The following NFYC variants were observed in gnomAD, a reference collection of about 807,000 sequenced individuals.
The protein encoded by NFYC is nuclear transcription factor Y subunit gamma.
In NFYC, 25 loss-of-function variants were observed where a neutral mutation model predicts 53.1. That is an observed-to-expected ratio of 0.47 (90% CI 0.34 to 0.66). The LOEUF (loss-of-function observed/expected upper bound fraction) is 0.66, where lower values mean the gene tolerates loss of function less well. Among genes scored for constraint, NFYC ranks in the 30% least tolerant of loss-of-function variants. The pLI, the probability that NFYC is intolerant of heterozygous loss-of-function variation, is 0.01. For synonymous variants in NFYC, 145 were observed against 152.6 expected (o/e 0.95, Z 0.37); for missense variants, 260 against 422.7 (o/e 0.62, Z 3.38).
In NFYC at chr1:40,716,251, C is replaced by T. The variant is rs560021565; in HGVS notation, c.-8-22585C>T. 5.9e-5 allele frequency among the ~76,000 whole-genome samples: 9 copies of T among 152,230 alleles called. No individual in the cohort carries two copies. The South Asian group carries it at 1.9e-3, about 32-fold the overall frequency. ...ATATGGAAAGAACAAGCAAAATACACAGAATTCAGAGGAGGGGAGACGTTC... is the reference window on the plus strand; with the variant it reads ...ATATGGAAAGAACAAGCAAAATACATAGAATTCAGAGGAGGGGAGACGTTC... On this transcript the variant is annotated intron_variant, in intron 1 of 9. Transcript: ENST00000447388.
intron 1 of NFYC, among the ~76,000 whole-genome samples, chr1:40,700,754 G>A (rs1643394461): frequency 6.6e-6 from 1 of 152,132 alleles, no homozygotes; most frequent in Non-Finnish European, 1.5e-5. Context: ...ATAAATGGAC[G>A]TTAAGGAGAT....
At chr1:40,716,909 C>G (rs969199032) in intron 1 of NFYC, among the ~76,000 whole-genome samples, 1 of 151,438 alleles carries the variant, frequency 6.6e-6, no homozygotes, top group Non-Finnish European at 1.5e-5. Flanking sequence ...ACTGAGATTT[C>G]TATCCAGTCT....
In NFYC at chr1:40,742,072, T is replaced by TA. The variant is rs551686138; in HGVS notation, c.105+3136dup. Reference sequence around the variant, plus strand: ...TTGTGCACCACCACACCTGGCTAATTAAAAAAAAAAAATCTTATGTAGAGA... The same window carrying TA: ...TTGTGCACCACCACACCTGGCTAATTAAAAAAAAAAAAATCTTATGTAGAGA... On this transcript the variant is annotated intron_variant, in intron 2 of 9. Coordinates refer to ENST00000447388, the MANE Select transcript of NFYC (RefSeq NM_014223.5). Among the ~76,000 whole-genome samples the TA allele has an allele frequency of 5.7e-4, 83 of 146,176 alleles. 1 individual carries two copies. The highest frequency in any genetic ancestry group is 8.7e-4 in the South Asian group (4 of 4,586).
chr1:40,691,854 A>T lies in NFYC; in HGVS notation c.-22A>T. 2.4e-6 allele frequency: 1 copy of T among 424,628 alleles called. No individual in the cohort carries two copies. Among genetic ancestry groups the T allele is most frequent in the Non-Finnish European group, 4.8e-6 (1 of 209,910 alleles). 26.3% of individuals were successfully genotyped at this position (424,628 alleles called of 1,614,324 possible). ...CGGGGGCGGCTCCTGCTCTTCCTGG[A>T]CTCCTGAGCAGAGGTGTGTGAGTGT... is the stretch of plus-strand genomic sequence containing the variant. On this transcript the variant is annotated 5_prime_UTR_variant, in exon 1 of 10. Coordinates refer to ENST00000447388, the MANE Select transcript of NFYC (RefSeq NM_014223.5).
intron 5 of NFYC, among the ~76,000 whole-genome samples, chr1:40,754,705 T>G (rs563712518): frequency 6.6e-6 from 1 of 152,338 alleles, no homozygotes; most frequent in South Asian, 2.1e-4. Flanking sequence ...ACTCTCATTG[T>G]GCTAACTCCT....
chr1:40,719,005 G>T (rs935560515), intron 1 of NFYC, among the ~76,000 whole-genome samples: 10 of 152,170 alleles, frequency 6.6e-5, no homozygotes, highest in African/African-American at 2.4e-4. Flanking sequence ...CCGAGTAGCT[G>T]GGACTACAGA....
At position 40,730,779 on chromosome 1, in the gene NFYC, A is replaced by G. The variant is rs145717210; in HGVS notation, c.-8-8057A>G. ...GTTTCTTAGTCAGTACTGAGCTAAGATATATTTGTTTGCATTTGACAGTGA... is the reference window on the plus strand; with the variant it reads ...GTTTCTTAGTCAGTACTGAGCTAAGGTATATTTGTTTGCATTTGACAGTGA... On this transcript the variant is annotated intron_variant, in intron 1 of 9. Coordinates refer to ENST00000447388, the MANE Select transcript of NFYC (RefSeq NM_014223.5). 6.6e-5 allele frequency among the ~76,000 whole-genome samples: 10 copies of G among 152,336 alleles called. No individual in the cohort carries two copies. In the East Asian group the frequency reaches 1.7e-3, roughly 26 times the overall value.
chr1:40,747,674 C>T, intron 3 of NFYC, 69 bp downstream of exon 3: 3 of 995,956 alleles, frequency 3.0e-6, no homozygotes, highest in Non-Finnish European at 4.6e-6. Flanking sequence ...GCTCATTTCT[C>T]TAGAGCTCAA....
chr1:40,695,958 A>G (rs1392616788), intron 1 of NFYC, among the ~76,000 whole-genome samples: 1 of 151,794 alleles, frequency 6.6e-6, no homozygotes, highest in Admixed American at 6.6e-5. Context: ...ACTGAAAAGT[A>G]ATTTGCTTAA....
intron 1 of NFYC, among the ~76,000 whole-genome samples, chr1:40,719,166 G>A (rs1034665493): frequency 6.6e-6 from 1 of 152,230 alleles, no homozygotes; most frequent in African/African-American, 2.4e-5. Flanking sequence ...ACGGCGCCTG[G>A]CCCATGGTGT....
At chr1:40,709,256 G>T (rs980734376) in intron 1 of NFYC, 3 of 152,204 alleles carry the variant, frequency 2.0e-5, no homozygotes, top group African/African-American at 7.2e-5. Context: ...GTTCTTAGCC[G>T]ATAAAGCAGT....
chr1:40,760,356 C>G (rs932556443), intron 6 of NFYC, among the ~76,000 whole-genome samples: 1 of 152,124 alleles, frequency 6.6e-6, no homozygotes, highest in Non-Finnish European at 1.5e-5. Flanking sequence ...CGCATGGGCC[C>G]GGGAGTTGGA....
chr1:40,696,735 C>T (rs938821618), intron 1 of NFYC, among the ~76,000 whole-genome samples: 5 of 152,352 alleles, frequency 3.3e-5, no homozygotes, highest in South Asian at 2.1e-4. Context: ...AGGCATACAA[C>T]CAGGAAGAAT....
chr1:40,703,737 A>G (rs1019340146), intron 1 of NFYC, among the ~76,000 whole-genome samples: 2 of 152,234 alleles, frequency 1.3e-5, no homozygotes, highest in African/African-American at 2.4e-5. Flanking sequence ...CTTTGGTAAT[A>G]GAGGCATGTT....
At chr1:40,708,471 T>C (rs1230133083) in intron 1 of NFYC, among the ~76,000 whole-genome samples, 1 of 152,196 alleles carries the variant, frequency 6.6e-6, no homozygotes, top group East Asian at 1.9e-4. Flanking sequence ...TACCAGGGGA[T>C]GATTGTATTC....
intron 1 of NFYC, among the ~76,000 whole-genome samples, chr1:40,693,466 A>T (rs765013774): frequency 9.9e-5 from 15 of 152,190 alleles, no homozygotes; most frequent in Non-Finnish European, 1.8e-4. Context: ...TTCTGTTTTC[A>T]TACCAATTTC....
intron 1 of NFYC, 56 bp downstream of exon 1, chr1:40,691,923 G>C (rs577049896): frequency 5.9e-6 from 2 of 341,328 alleles, no homozygotes; most frequent in Non-Finnish European, 1.2e-5. Context: ...GGCGGCGGGG[G>C]GAGGGGCAGC....
intron 1 of NFYC, among the ~76,000 whole-genome samples, chr1:40,727,939 T>C (rs557992686): frequency 2.0e-5 from 3 of 152,030 alleles, no homozygotes; most frequent in Non-Finnish European, 4.4e-5. Flanking sequence ...TGTGTCCTTA[T>C]GAAGTGTTTT....
At chr1:40,701,000 G>A (rs186328879) in intron 1 of NFYC, among the ~76,000 whole-genome samples, 6 of 152,298 alleles carry the variant, frequency 3.9e-5, no homozygotes, top group African/African-American at 9.6e-5. Flanking sequence ...CACTTTAAAC[G>A]TGGGACTGAT....
Sources: gnomAD v4.1 joint callset for allele counts (sites outside exome capture counted in the v4.1 genomes callset) on GRCh38, gnomAD v4.1.1 for gene constraint, MANE v1.5 for transcripts, NCBI Gene and HGNC (gene_info 2026-07-23, HGNC 2026-07-21) for gene names.